The following ST6GALNAC3 variants were observed in gnomAD, a reference collection of about 807,000 sequenced individuals.
ST6GALNAC3 encodes the protein alpha-N-acetylgalactosaminide alpha-2,6-sialyltransferase 3.
Under a neutral mutation model 32.7 loss-of-function variants are expected in ST6GALNAC3, and 25 were observed. The observed-to-expected ratio is 0.76, with a 90% confidence interval of 0.56 to 1.07. The LOEUF (loss-of-function observed/expected upper bound fraction) is 1.07. Ranked by LOEUF, ST6GALNAC3 falls within the 50% of genes least tolerant of loss-of-function variation. The pLI is 0.00. For missense variants in ST6GALNAC3, 355 were observed against 382.4 expected (o/e 0.93, Z 0.60); for synonymous variants, 129 against 133.1 (o/e 0.97, Z 0.21).
intron 1 of ST6GALNAC3, among the ~76,000 whole-genome samples, chr1:76,113,205 G>A (rs1379015284): frequency 1.3e-5 from 2 of 152,000 alleles, no homozygotes; most frequent in Non-Finnish European, 2.9e-5. Flanking sequence ...CAGGCGTGGC[G>A]GCGCGCGCCT....
At chr1:76,208,644 TC>T (rs1447459958) in intron 1 of ST6GALNAC3, among the ~76,000 whole-genome samples, 1 of 152,058 alleles carries the variant, frequency 6.6e-6, no homozygotes, top group African/African-American at 2.4e-5. Flanking sequence ...CACATATGAG[TC>T]CATATAGGTG....
chr1:76,604,563 C>T (rs979481317), intron 3 of ST6GALNAC3, among the ~76,000 whole-genome samples: 2 of 152,124 alleles, frequency 1.3e-5, no homozygotes, highest in Non-Finnish European at 2.9e-5. Flanking sequence ...CATTCCTGTT[C>T]CTCTTCTCTT....
At chr1:76,179,645 C>G (rs926207719) in intron 1 of ST6GALNAC3, among the ~76,000 whole-genome samples, 1 of 152,154 alleles carries the variant, frequency 6.6e-6, no homozygotes, top group African/African-American at 2.4e-5. Context: ...CCTACAAAAC[C>G]CTCCATGACA....
chr1:76,554,991 T>A (rs1158603720), intron 3 of ST6GALNAC3, among the ~76,000 whole-genome samples: 1 of 152,200 alleles, frequency 6.6e-6, no homozygotes, highest in Non-Finnish European at 1.5e-5. Context: ...CAAGGTACTA[T>A]AAATATCTCC....
intron 1 of ST6GALNAC3, among the ~76,000 whole-genome samples, chr1:76,156,001 G>A (rs556820480): frequency 1.3e-5 from 2 of 152,210 alleles, no homozygotes; most frequent in African/African-American, 4.8e-5. Flanking sequence ...TCCTGCTGGC[G>A]GTAGTGGTTT....
intron 3 of ST6GALNAC3, among the ~76,000 whole-genome samples, chr1:76,592,621 T>C (rs1025978518): frequency 6.6e-6 from 1 of 152,090 alleles, no homozygotes; most frequent in African/African-American, 2.4e-5. Flanking sequence ...ACCCTGGCTC[T>C]ATCACCGCCC....
In ST6GALNAC3 at chr1:76,159,181, C is replaced by A. The variant is rs528499702; in HGVS notation, c.18+84297C>A. Among the ~76,000 whole-genome samples, 32 of 150,944 alleles carry A rather than the reference C, an allele frequency of 2.1e-4. No homozygotes were observed. In the South Asian group the frequency reaches 4.6e-3, roughly 22 times the overall value. ...GGGAATGTTAGGCCTCTAGTCCTTT[C>A]CTTTTCTCTTTTCTTTTCTTTTTTT... On this transcript the variant is annotated intron_variant, in intron 1 of 4. Coordinates refer to ENST00000328299, the MANE Select transcript of ST6GALNAC3 (RefSeq NM_152996.4).
intron 2 of ST6GALNAC3, among the ~76,000 whole-genome samples, chr1:76,342,459 A>G (rs1047641345): frequency 6.6e-6 from 1 of 152,056 alleles, no homozygotes; most frequent in African/African-American, 2.4e-5. Flanking sequence ...CTTAATGACC[A>G]GTGATCATGA....
chr1:76,341,645 CTTT>C, intron 2 of ST6GALNAC3, among the ~76,000 whole-genome samples: 1 of 141,592 alleles, frequency 7.1e-6, no homozygotes, highest in Non-Finnish European at 1.5e-5. Context: ...TTCTTTCTTT[CTTT>C]CTTTCTTTCT....
At chr1:76,252,186 G>A (rs186151160) in intron 1 of ST6GALNAC3, among the ~76,000 whole-genome samples, 1 of 152,248 alleles carries the variant, frequency 6.6e-6, no homozygotes, top group Admixed American at 6.5e-5. Flanking sequence ...TGTATACGAT[G>A]TTCGTTTGGA....
intron 2 of ST6GALNAC3, among the ~76,000 whole-genome samples, chr1:76,408,825 C>T (rs1048362662): frequency 5.9e-5 from 9 of 151,960 alleles, no homozygotes; most frequent in Admixed American, 2.6e-4. Context: ...TATTACACAA[C>T]GAAGCAACTT....
At chr1:76,408,327 T>C (rs773983607) in intron 2 of ST6GALNAC3, among the ~76,000 whole-genome samples, 5 of 152,086 alleles carry the variant, frequency 3.3e-5, no homozygotes, top group Non-Finnish European at 5.9e-5. Flanking sequence ...GACCAAGAAG[T>C]ACAAACGTCT....
intron 2 of ST6GALNAC3, among the ~76,000 whole-genome samples, chr1:76,393,084 T>G (rs1652689668): frequency 2.0e-5 from 3 of 152,234 alleles, no homozygotes. Context: ...AATAACGCTT[T>G]GTATTTTTAG....
Position 76,632,504 on chromosome 1 carries a change from C to T in ST6GALNAC3, c.*3698C>T, listed in dbSNP as rs1227889620. On this transcript the variant is annotated 3_prime_UTR_variant, in exon 5 of 5. Transcript: ENST00000328299. ...GCCAGTCTTTAGCATAAGCAAAATC[C>T]AGATTTGCATGATTTTTATTATATA... is the stretch of plus-strand genomic sequence containing the variant. The T allele has an allele frequency of 2.0e-5, 3 of 152,050 alleles. No individual in the cohort carries two copies. The highest frequency in any genetic ancestry group is 7.2e-5 in the African/African-American group (3 of 41,398). The allele number at this position is 152,050 out of a possible 1,614,324, so 9.4% of individuals were successfully genotyped here.
At chr1:76,086,867 G>A (rs2100737019) in intron 1 of ST6GALNAC3, among the ~76,000 whole-genome samples, 1 of 152,246 alleles carries the variant, frequency 6.6e-6, no homozygotes, top group South Asian at 2.1e-4. Context: ...ACTACTACTT[G>A]TGTTTGTTCT....
rs572123692 is a variant in ST6GALNAC3 at position 76,351,174 on chromosome 1, G to T, written c.213+37175G>T. On this transcript the variant is annotated intron_variant, in intron 2 of 4. Transcript: ENST00000328299. ...TTTGTGTATTAGCTTTGTCAAGTTT[G>T]GCATTAGGCTTATGCTGGTTTTATA... 2.3e-4 allele frequency among the ~76,000 whole-genome samples: 35 copies of T among 152,118 alleles called. 2 individuals carry two copies. The East Asian group carries it at 6.4e-3, about 28-fold the overall frequency.
chr1:76,400,884 A>C (rs1293924805), intron 2 of ST6GALNAC3, among the ~76,000 whole-genome samples: 1 of 141,626 alleles, frequency 7.1e-6, no homozygotes, highest in Non-Finnish European at 1.6e-5. Flanking sequence ...AACAAGAGTG[A>C]AACTCTGTCT....
chr1:76,320,054 C>T (rs1260252861), intron 2 of ST6GALNAC3, among the ~76,000 whole-genome samples: 1 of 152,194 alleles, frequency 6.6e-6, no homozygotes, highest in East Asian at 1.9e-4. Flanking sequence ...TCCAGACAAT[C>T]TATGAGTGCC....
intron 3 of ST6GALNAC3, among the ~76,000 whole-genome samples, chr1:76,513,431 G>A (rs2101764323): frequency 6.6e-6 from 1 of 152,198 alleles, no homozygotes; most frequent in East Asian, 1.9e-4. Flanking sequence ...TTGAAAATAA[G>A]TTGAATGTAG....
Sources: allele counts gnomAD v4.1 joint callset (sites outside exome capture counted in the v4.1 genomes callset), GRCh38; gene constraint gnomAD v4.1.1; transcripts MANE v1.5; gene names NCBI Gene and HGNC (gene_info 2026-07-23, HGNC 2026-07-21).